SDK2: variants seen among roughly 807,000 people sequenced by gnomAD.
SDK2 encodes the protein protein sidekick-2.
SDK2 carries 105 observed loss-of-function variants against 253.9 expected under a neutral mutation model. That is an observed-to-expected ratio of 0.41 (90% confidence interval 0.35 to 0.49). The LOEUF is 0.49. Ranked by LOEUF, SDK2 falls within the 20% of genes least tolerant of loss-of-function variation. SDK2 has a pLI of 0.06. For missense variants in SDK2, 2,608 were observed against 3,003.0 expected, an observed-to-expected ratio of 0.87 and a Z score of 3.07; for synonymous variants, 1,249 against 1,234.9, an observed-to-expected ratio of 1.01 and a Z score of -0.24.
At chr17:73,613,114 G>C (rs1481375695) in intron 1 of SDK2, among the ~76,000 whole-genome samples, 1 of 152,150 alleles carries the variant, frequency 6.6e-6, no homozygotes, top group East Asian at 1.9e-4. Context: ...AGCACAAAGC[G>C]GCACGAGAGA....
At chr17:73,412,671 T>G (rs1304917387) in intron 18 of SDK2, among the ~76,000 whole-genome samples, 1 of 152,068 alleles carries the variant, frequency 6.6e-6, no homozygotes, top group Admixed American at 6.6e-5. Context: ...ATCCCAGCAC[T>G]CTGGGAGGCC....
intron 1 of SDK2, among the ~76,000 whole-genome samples, chr17:73,526,344 C>G (rs1315591846): frequency 6.6e-6 from 1 of 152,132 alleles, no homozygotes; most frequent in African/African-American, 2.4e-5. Context: ...CAAGCCCTGG[C>G]TTTGCCAATT....
chr17:73,579,455 CT>C (rs1342649489), intron 1 of SDK2, among the ~76,000 whole-genome samples: 1 of 152,180 alleles, frequency 6.6e-6, no homozygotes, highest in African/African-American at 2.4e-5. Flanking sequence ...GGTGCTCCCC[CT>C]CCCTGAAGAG....
At chr17:73,425,420 AGCACTGCT>A (rs1350018829) in intron 12 of SDK2, among the ~76,000 whole-genome samples, 3 of 152,390 alleles carry the variant, frequency 2.0e-5, no homozygotes, top group Admixed American at 1.3e-4. Flanking sequence ...AGTGCACTGC[AGCACTGCT>A]GCATTCAGGA....
chr17:73,452,831 C>A (rs924532205), intron 4 of SDK2, among the ~76,000 whole-genome samples: 1 of 152,154 alleles, frequency 6.6e-6, no homozygotes, highest in African/African-American at 2.4e-5. Context: ...AGAAAGGGAG[C>A]TGGGATGGGG....
chr17:73,420,252 A>G (rs753149332), intron 15 of SDK2, among the ~76,000 whole-genome samples: 1 of 152,242 alleles, frequency 6.6e-6, no homozygotes, highest in Admixed American at 6.5e-5. Context: ...TCCAAACAAA[A>G]GTTAATTATT....
intron 1 of SDK2, among the ~76,000 whole-genome samples, chr17:73,604,285 T>C (rs1238929820): frequency 6.6e-6 from 1 of 152,086 alleles, no homozygotes; most frequent in African/African-American, 2.4e-5. Flanking sequence ...GAAAAGGCGA[T>C]TCAGAGAGGA....
intron 3 of SDK2, among the ~76,000 whole-genome samples, chr17:73,469,593 C>T (rs1230588672): frequency 6.6e-6 from 1 of 152,174 alleles, no homozygotes; most frequent in African/African-American, 2.4e-5. Flanking sequence ...CACACCCCTC[C>T]CCCAGTGTGA....
At chr17:73,615,509 CCA>C (rs1468289190) in intron 1 of SDK2, among the ~76,000 whole-genome samples, 7 of 152,178 alleles carry the variant, frequency 4.6e-5, no homozygotes, top group African/African-American at 1.7e-4. Flanking sequence ...TAAGACAGGT[CCA>C]GTGTTCTGTT....
At chr17:73,351,811 T>C (rs2145398635) in intron 41 of SDK2, among the ~76,000 whole-genome samples, 1 of 152,170 alleles carries the variant, frequency 6.6e-6, no homozygotes, top group East Asian at 1.9e-4. Flanking sequence ...GTTTTATCAA[T>C]GTGGGTAAAG....
intron 2 of SDK2, among the ~76,000 whole-genome samples, chr17:73,506,532 C>A (rs571187631): frequency 6.6e-6 from 1 of 152,214 alleles, no homozygotes; most frequent in Non-Finnish European, 1.5e-5. Context: ...AAGGACAGAT[C>A]AAGCAATGAT....
At chr17:73,365,452 G>A (rs961300361) in intron 37 of SDK2, 57 bp from the exon 38 acceptor site, 45 of 1,516,956 alleles carry the variant, frequency 3.0e-5, no homozygotes, top group South Asian at 2.1e-4. Flanking sequence ...TCAAAGCCTC[G>A]GGTTCAGCTC....
intron 37 of SDK2, among the ~76,000 whole-genome samples, chr17:73,367,201 G>A (rs1242803962): frequency 6.6e-6 from 1 of 152,034 alleles, no homozygotes; most frequent in Non-Finnish European, 1.5e-5. Flanking sequence ...TACAGATAGG[G>A]TTTCATCATG....
chr17:73,575,564 C>A (rs1286942490), intron 1 of SDK2, among the ~76,000 whole-genome samples: 2 of 152,228 alleles, frequency 1.3e-5, no homozygotes, highest in Non-Finnish European at 2.9e-5. Flanking sequence ...TCTCTCCGTG[C>A]CAGTCTGTAC....
Position 73,386,010 on chromosome 17 carries a change from C to T in SDK2, c.4499-93G>A, listed in dbSNP as rs555861086. 4.3e-5 allele frequency: 35 copies of T among 812,246 alleles called. 1 individual carries two copies. Among genetic ancestry groups the T allele is most frequent in the African/African-American group, 1.9e-4 (11 of 56,848 alleles). 50.3% of individuals were successfully genotyped at this position (812,246 alleles called of 1,614,324 possible). On this transcript the variant is annotated intron_variant, in intron 31 of 44. Coordinates refer to ENST00000392650, the MANE Select transcript of SDK2 (RefSeq NM_001144952.2). ...ACCAGATTCTGCTAATACTGGACTG[C>T]GGGGCAGGTCCAGATCGCATCGCCC...
intron 1 of SDK2, among the ~76,000 whole-genome samples, chr17:73,607,168 A>C (rs2045918224): frequency 6.6e-6 from 1 of 152,214 alleles, no homozygotes; most frequent in African/African-American, 2.4e-5. Flanking sequence ...GTGGACAACA[A>C]GTGGTCAAGA....
intron 3 of SDK2, among the ~76,000 whole-genome samples, chr17:73,460,173 C>G (rs1336074978): frequency 2.6e-5 from 4 of 152,192 alleles, no homozygotes; most frequent in Non-Finnish European, 4.4e-5. Flanking sequence ...CTCTCACTCT[C>G]TATACTCGCC....
intron 43 of SDK2, among the ~76,000 whole-genome samples, chr17:73,349,039 A>G (rs1390023410): frequency 6.6e-6 from 1 of 152,190 alleles, no homozygotes; most frequent in African/African-American, 2.4e-5. Context: ...ATTTTTGTGT[A>G]CACACAGTGG....
chr17:73,398,456 G>C, intron 22 of SDK2, 27 bp from the exon 23 acceptor site: 1 of 1,595,108 alleles, frequency 6.3e-7, no homozygotes, highest in Non-Finnish European at 8.6e-7. Context: ...TCTTAGGCCT[G>C]TCCAGCCTAC....
Sources: gnomAD v4.1 joint callset for allele counts (sites outside exome capture counted in the v4.1 genomes callset) on GRCh38, gnomAD v4.1.1 for gene constraint, MANE v1.5 for transcripts, NCBI Gene and HGNC (gene_info 2026-07-23, HGNC 2026-07-21) for gene names.